NRXN2: variants seen among roughly 807,000 people sequenced by gnomAD.
The protein encoded by NRXN2 is neurexin-2-beta.
NRXN2 carries 29 observed loss-of-function variants against 128.8 expected under a neutral mutation model. The ratio of observed to expected loss-of-function variants is 0.23; its 90% CI spans 0.17 to 0.31. The LOEUF is 0.31. NRXN2 is among the 10% of genes least tolerant of loss of function. NRXN2 has a pLI of 1.00. For synonymous variants in NRXN2, 1,098 were observed against 1,075.2 expected (o/e 1.02, Z -0.41); for missense variants, 1,881 against 2,452.6 (o/e 0.77, Z 4.92).
intron 1 of NRXN2, among the ~76,000 whole-genome samples, chr11:64,718,503 G>T (rs2057355474): frequency 6.6e-6 from 1 of 152,202 alleles, no homozygotes; most frequent in East Asian, 1.9e-4. Flanking sequence ...CGTGCTATGG[G>T]GGGAGATTCT....
Position 64,620,232 on chromosome 11 carries a change from C to T in NRXN2, c.4252+62G>A, listed in dbSNP as rs549715070. 2.2e-5 allele frequency: 30 copies of T among 1,349,008 alleles called. No homozygotes were observed. The East Asian group carries it at 2.5e-4, about 11-fold the overall frequency. 83.6% of individuals were successfully genotyped at this position (1,349,008 alleles called of 1,614,324 possible). On this transcript the variant is annotated intron_variant, in intron 22 of 22. Coordinates refer to ENST00000265459, the MANE Select transcript of NRXN2 (RefSeq NM_015080.4). ...GCTTGGGCCAGGTGGCAGGGACAGTCGCCCCCCTCCCAGCAGCATCGCAGA... is the reference window on the plus strand; with the variant it reads ...GCTTGGGCCAGGTGGCAGGGACAGTTGCCCCCCTCCCAGCAGCATCGCAGA...
intron 7 of NRXN2, among the ~76,000 whole-genome samples, chr11:64,674,297 C>T (rs1181807243): frequency 4.6e-5 from 7 of 152,084 alleles, no homozygotes; most frequent in African/African-American, 1.7e-4. Flanking sequence ...TTCAAGCAAT[C>T]CTCCTGCCTT....
Position 64,607,487 on chromosome 11 carries a change from C to T in NRXN2, c.4848G>A (p.Gly1616=), listed in dbSNP as rs1364683252. The T allele has an allele frequency of 1.9e-6, 3 of 1,603,562 alleles. No individual in the cohort carries two copies. Among genetic ancestry groups the T allele is most frequent in the East Asian group, 2.2e-5 (1 of 44,728 alleles). The change falls in exon 23 of 23, where the codon GGG becomes GGA. Residue 1616 remains glycine (G), a synonymous_variant. Coordinates refer to ENST00000265459, the MANE Select transcript of NRXN2 (RefSeq NM_015080.4). The stretch of plus-strand genomic sequence containing the variant: ...CGCCCGGCGGGCCCCGCTCCCCAGG[C>T]CCTGTGGGGTTGGCTGTGGGCAGAT... ...FPHLPTANPT[G]PGERGPPGAV...
chr11:64,668,887 C>A (rs1244384325), intron 7 of NRXN2, among the ~76,000 whole-genome samples: 1 of 152,152 alleles, frequency 6.6e-6, no homozygotes, highest in African/African-American at 2.4e-5. Context: ...CCCATGAGGT[C>A]CCCCAAGAAG....
chr11:64,720,867 G>A (rs2057416514), intron 1 of NRXN2, among the ~76,000 whole-genome samples: 1 of 152,174 alleles, frequency 6.6e-6, no homozygotes, highest in African/African-American at 2.4e-5. Context: ...TGTGTTGCAA[G>A]GACTGAAGGT....
Position 64,712,969 on chromosome 11 carries a change from C to A in NRXN2, c.730+1G>T. On this transcript the variant is annotated splice_donor_variant, in intron 2 of 22. Coordinates refer to ENST00000265459, the MANE Select transcript of NRXN2 (RefSeq NM_015080.4). LOFTEE classifies it high-confidence loss of function. ...CCGGGCGGCCGCTCCCCGGGGCTCA[C>A]CTTCGCTGCAGAACTTGCCGCCGAA... is the stretch of plus-strand genomic sequence containing the variant. 2 of 1,504,240 alleles carry A rather than the reference C, an allele frequency of 1.3e-6. No homozygotes were observed. Among genetic ancestry groups the A allele is most frequent in the Non-Finnish European group, 1.8e-6 (2 of 1,131,890 alleles). 93.2% of individuals were successfully genotyped at this position (1,504,240 alleles called of 1,614,324 possible).
At chr11:64,642,729 A>C in intron 17 of NRXN2, 2 of 1,430,342 alleles carry the variant, frequency 1.4e-6, no homozygotes, top group Non-Finnish European at 9.2e-7. Context: ...GCGGCGGTGG[A>C]GGCGGCGGCA....
Position 64,648,602 on chromosome 11 carries a change from G to T in NRXN2, c.3283+132C>A. 2 of 1,287,436 alleles carry T rather than the reference G, an allele frequency of 1.6e-6. No individual in the cohort carries two copies. Among genetic ancestry groups the T allele is most frequent in the East Asian group, 2.4e-5 (1 of 41,782 alleles). 79.8% of individuals were successfully genotyped at this position (1,287,436 alleles called of 1,614,324 possible). On this transcript the variant is annotated intron_variant, in intron 16 of 22. Transcript: ENST00000265459. This position sits in a 1 kb window ranked among gnomAD's most constrained non-coding sequence, Gnocchi z 4.1. ...CCTGTATCCCTGCCCCAGAACTGTG[G>T]GGGCAAGCTCCCATAAGGCCTGAGA...
At chr11:64,649,862 C>T (rs909245751) in intron 15 of NRXN2, among the ~76,000 whole-genome samples, 2 of 152,168 alleles carry the variant, frequency 1.3e-5, no homozygotes, top group African/African-American at 4.8e-5. Context: ...TCACCCTCCT[C>T]CTCCCTGATC....
chr11:64,697,673 C>A (rs894686354), intron 3 of NRXN2, 102 bp downstream of exon 3: 10 of 1,401,940 alleles, frequency 7.1e-6, no homozygotes, highest in African/African-American at 1.4e-5. Flanking sequence ...AGGCCCTAAA[C>A]ATGGCAGGAA....
At chr11:64,639,710 T>A (rs551706855) in intron 17 of NRXN2, among the ~76,000 whole-genome samples, 14 of 149,654 alleles carry the variant, frequency 9.4e-5, no homozygotes, top group Non-Finnish European at 1.9e-4. Flanking sequence ...GCAGGGTAAA[T>A]GGGGGATGGT....
chr11:64,719,980 A>T (rs2135695689), intron 1 of NRXN2, among the ~76,000 whole-genome samples: 1 of 152,378 alleles, frequency 6.6e-6, no homozygotes, highest in African/African-American at 2.4e-5. Context: ...AGTGCTTCGC[A>T]CAAGGCCAGG....
rs1176796733 is a variant in NRXN2 at position 64,651,601 on chromosome 11, G to A, written c.2572C>T (p.His858Tyr). ...MAGAHMRLEF[H>Y]NIETGIMTER... is the part of the protein sequence containing the mutation. Reference sequence around the variant, plus strand: ...GTCATGATGCCCGTCTCAATGTTGTGGAACTCCAGCCGCATATGGGCTCCT... The same window carrying A: ...GTCATGATGCCCGTCTCAATGTTGTAGAACTCCAGCCGCATATGGGCTCCT... Residue 858 changes from histidine (H) to tyrosine (Y), a missense_variant, in exon 14 of 23, where the codon CAC becomes TAC. By Grantham distance (83) the His-to-Tyr change is moderately conservative. Coordinates refer to ENST00000265459, the MANE Select transcript of NRXN2 (RefSeq NM_015080.4). The surrounding 1 kb of genome is among the most constrained non-coding windows in gnomAD (Gnocchi z 5.9). The A allele has an allele frequency of 1.2e-6, 2 of 1,614,086 alleles. No homozygotes were observed. Among genetic ancestry groups the A allele is most frequent in the East Asian group, 2.2e-5 (1 of 44,870 alleles).
chr11:64,712,752 G>C (rs1192405695), intron 2 of NRXN2: 1 of 674,330 alleles, frequency 1.5e-6, no homozygotes, highest in Non-Finnish European at 2.8e-6. Context: ...CGCTGACCAC[G>C]CCCAAGCCGG....
chr11:64,608,439 A>T (rs1408499398), intron 22 of NRXN2, among the ~76,000 whole-genome samples: 1 of 152,126 alleles, frequency 6.6e-6, no homozygotes, highest in East Asian at 1.9e-4. Flanking sequence ...GCATTTAAAC[A>T]AACCTAACAA....
At chr11:64,712,596 T>C (rs2057037087) in intron 2 of NRXN2, 3 of 374,878 alleles carry the variant, frequency 8.0e-6, no homozygotes, top group Non-Finnish European at 1.1e-5. Flanking sequence ...TAATGGGCCC[T>C]GTCCACGCAG....
At chr11:64,673,218 A>G (rs915859648) in intron 7 of NRXN2, among the ~76,000 whole-genome samples, 2 of 152,218 alleles carry the variant, frequency 1.3e-5, no homozygotes, top group Non-Finnish European at 2.9e-5. Context: ...GGGGAAAGCT[A>G]TTCAAAGAGT....
chr11:64,619,392 C>A (rs143694375), intron 22 of NRXN2, among the ~76,000 whole-genome samples: 1 of 152,084 alleles, frequency 6.6e-6, no homozygotes, highest in African/African-American at 2.4e-5. Context: ...TCTTGGCCAC[C>A]CCCAACCTGC....
chr11:64,655,351 A>G (rs539689729), intron 11 of NRXN2, among the ~76,000 whole-genome samples: 1 of 152,296 alleles, frequency 6.6e-6, no homozygotes, highest in South Asian at 2.1e-4. Flanking sequence ...GAGAGGAATG[A>G]GGTAGAGAGA....
Sources: gnomAD v4.1 joint callset for allele counts (sites outside exome capture counted in the v4.1 genomes callset) on GRCh38, gnomAD v4.1.1 for gene constraint, Gnocchi (gnomAD v3.1) non-coding constraint, MANE v1.5 for transcripts, NCBI Gene and HGNC (gene_info 2026-07-23, HGNC 2026-07-21) for gene names.